Variants in FAM168B observed in about 807,000 individuals in gnomAD.
FAM168B encodes family with sequence similarity 168 member B.
Under a neutral mutation model 21.8 loss-of-function variants are expected in FAM168B, and 19 were observed. That is an observed-to-expected ratio of 0.87 (90% CI 0.61 to 1.28). FAM168B has a LOEUF of 1.28. Ranked by LOEUF, FAM168B falls within the 50% of genes most tolerant of loss-of-function variation. The pLI is 0.00. For synonymous variants in FAM168B, 126 were observed against 104.8 expected, an observed-to-expected ratio of 1.20 and a Z score of -1.24; for missense variants, 233 against 263.1, an observed-to-expected ratio of 0.89 and a Z score of 0.79.
Position 131,083,721 on chromosome 2 carries a change from A to G in FAM168B, c.-11-1064T>C, listed in dbSNP as rs926254824. ...AGTAGAGTATTATACTGCATCCTGC[A>G]TTACACAGTATGATCCCATATAAAC... On this transcript the variant is annotated intron_variant, in intron 1 of 6. Transcript: ENST00000389915. Among the ~76,000 whole-genome samples the G allele has an allele frequency of 2.6e-5, 4 of 152,260 alleles. No homozygotes were observed. The South Asian group carries it at 8.3e-4, about 31-fold the overall frequency.
Position 131,050,949 on chromosome 2 carries a change from C to T in FAM168B, c.*1516G>A. On this transcript the variant is annotated 3_prime_UTR_variant, in exon 7 of 7. Transcript: ENST00000389915. ...CCCCCACTCTGACCCTCACTGAGAA[C>T]CGACATGCACTCTCATGGATACAGG... 1.0e-6 allele frequency: 1 copy of T among 985,618 alleles called. No homozygotes were observed. The highest frequency in any genetic ancestry group is 1.2e-6 in the Non-Finnish European group (1 of 830,070). 61.1% of individuals were successfully genotyped at this position (985,618 alleles called of 1,614,324 possible).
At chr2:131,063,500 C>CA (rs941918849) in intron 3 of FAM168B, among the ~76,000 whole-genome samples, 1 of 152,144 alleles carries the variant, frequency 6.6e-6, no homozygotes, top group Non-Finnish European at 1.5e-5. Context: ...AGTGTGGGGC[C>CA]AAGAGCTATG....
intron 3 of FAM168B, 43 bp from the exon 4 acceptor site, chr2:131,055,738 C>A: frequency 6.2e-7 from 1 of 1,600,762 alleles, no homozygotes; most frequent in East Asian, 2.3e-5. Context: ...CCAAGCCGGT[C>A]CAGGCGCAGG....
intron 5 of FAM168B, 137 bp downstream of exon 5, chr2:131,055,135 C>T (rs1691938484): frequency 2.4e-6 from 2 of 848,940 alleles, no homozygotes; most frequent in Non-Finnish European, 3.3e-6. Flanking sequence ...GCTGTTTCTT[C>T]CCCAAAGAAT....
At chr2:131,075,247 A>G (rs1263362976) in intron 2 of FAM168B, among the ~76,000 whole-genome samples, 5 of 149,204 alleles carry the variant, frequency 3.4e-5, no homozygotes, top group African/African-American at 1.0e-4. Flanking sequence ...AACCAGCAAG[A>G]TTTTTTTTTC....
intron 1 of FAM168B, among the ~76,000 whole-genome samples, chr2:131,085,874 G>A (rs536322622): frequency 6.6e-6 from 1 of 152,348 alleles, no homozygotes; most frequent in East Asian, 1.9e-4. Flanking sequence ...CGCCTGCCAA[G>A]AGTGCTGAGC....
intron 1 of FAM168B, among the ~76,000 whole-genome samples, chr2:131,088,537 T>A (rs992545991): frequency 6.6e-6 from 1 of 152,144 alleles, no homozygotes; most frequent in African/African-American, 2.4e-5. Flanking sequence ...TAAACAGAGT[T>A]TAAAGATATC....
At chr2:131,088,250 GAA>G (rs11284296) in intron 1 of FAM168B, among the ~76,000 whole-genome samples, 5 of 150,876 alleles carry the variant, frequency 3.3e-5, no homozygotes, top group African/African-American at 9.7e-5. Context: ...TGTCTGGGGG[GAA>G]AAAAAAATCA....
intron 1 of FAM168B, among the ~76,000 whole-genome samples, chr2:131,085,169 A>G (rs1206570336): frequency 6.6e-6 from 1 of 152,094 alleles, no homozygotes; most frequent in Non-Finnish European, 1.5e-5. Flanking sequence ...CCTAAAAAAA[A>G]GTCTATTTTT....
intron 5 of FAM168B, 34 bp from the exon 6 acceptor site, chr2:131,053,049 A>G (rs1398967675): frequency 6.5e-7 from 1 of 1,527,816 alleles, no homozygotes; most frequent in Non-Finnish European, 8.8e-7. Flanking sequence ...CATGAGGCTG[A>G]CCTCCTGCAC....
At position 131,048,843 on chromosome 2, in the gene FAM168B, C is replaced by G; in HGVS notation, c.*3622G>C. The G allele has an allele frequency of 1.0e-6, 1 of 986,302 alleles. No homozygotes were observed. Among genetic ancestry groups the G allele is most frequent in the Non-Finnish European group, 1.2e-6 (1 of 830,250 alleles). 61.1% of individuals were successfully genotyped at this position (986,302 alleles called of 1,614,324 possible). A position where few individuals can be genotyped will look rare whatever the true frequency, so the allele number is the denominator to read the frequency against. On this transcript the variant is annotated 3_prime_UTR_variant, in exon 7 of 7. Coordinates refer to ENST00000389915, the MANE Select transcript of FAM168B (RefSeq NM_001009993.4). ...GCTGCCACCCACCTCAAGCCACACCCCTGCCACCTGCTGCTGCGCCCAATG... is the reference window on the plus strand; with the variant it reads ...GCTGCCACCCACCTCAAGCCACACCGCTGCCACCTGCTGCTGCGCCCAATG...
intron 2 of FAM168B, among the ~76,000 whole-genome samples, chr2:131,073,294 T>C (rs1573792306): frequency 6.6e-6 from 1 of 152,108 alleles, no homozygotes; most frequent in Middle Eastern, 3.4e-3. Flanking sequence ...GGTTTTGCCA[T>C]GCTGGCCAGG....
At chr2:131,067,205 A>T (rs948621752) in intron 3 of FAM168B, among the ~76,000 whole-genome samples, 1 of 152,188 alleles carries the variant, frequency 6.6e-6, no homozygotes, top group Non-Finnish European at 1.5e-5. Context: ...GTGTGCATAC[A>T]CAGCCTTGTT....
In FAM168B at chr2:131,050,804, G is replaced by A; in HGVS notation, c.*1661C>T. On this transcript the variant is annotated 3_prime_UTR_variant, in exon 7 of 7. Transcript: ENST00000389915. ...CCTGACCCAGCTACCAGCAAATGAA[G>A]AGGAGCAGAGCCCCCTCCCCACCAG... 5.1e-6 allele frequency: 5 copies of A among 985,366 alleles called. No homozygotes were observed. Among genetic ancestry groups the A allele is most frequent in the South Asian group, 4.7e-5 (1 of 21,284 alleles). The allele number at this position is 985,366 out of a possible 1,614,324, so 61.0% of individuals were successfully genotyped here.
At chr2:131,062,764 C>A (rs113995372) in intron 3 of FAM168B, among the ~76,000 whole-genome samples, 254 of 152,314 alleles carry the variant, frequency 1.7e-3, no homozygotes, top group African/African-American at 5.8e-3. Context: ...AGGTGTCTTA[C>A]AACACCTACT....
rs1691583706 is a variant in FAM168B, at chr2:131,050,390, AC to A, written c.*2074del. On this transcript the variant is annotated 3_prime_UTR_variant, in exon 7 of 7. Transcript: ENST00000389915. ...CTACTTGGTCAGCTGAACCCCTGGA[AC>A]CGTTAGAACCTACTAATCCTGCCAA... 3.0e-6 allele frequency: 3 copies of A among 985,656 alleles called. No homozygotes were observed. Among genetic ancestry groups the A allele is most frequent in the Non-Finnish European group, 3.6e-6 (3 of 829,940 alleles). The allele number at this position is 985,656 out of a possible 1,614,324, so 61.1% of individuals were successfully genotyped here.
rs1691714385 is a variant in FAM168B, at chr2:131,052,119, C to T, written c.*346G>A. Reference sequence around the variant, plus strand: ...TTGGATTTTGCATATGATGGTTTTGCATCAGTCACTGCAGGTAGATTGAGC... The same window carrying T: ...TTGGATTTTGCATATGATGGTTTTGTATCAGTCACTGCAGGTAGATTGAGC... On this transcript the variant is annotated 3_prime_UTR_variant, in exon 7 of 7. Coordinates refer to ENST00000389915, the MANE Select transcript of FAM168B (RefSeq NM_001009993.4). The T allele has an allele frequency of 1.0e-6, 1 of 985,676 alleles. No homozygotes were observed. 61.1% of individuals were successfully genotyped at this position (985,676 alleles called of 1,614,324 possible).
intron 1 of FAM168B, among the ~76,000 whole-genome samples, chr2:131,082,905 T>C (rs1693490046): frequency 6.6e-6 from 1 of 152,086 alleles, no homozygotes; most frequent in Admixed American, 6.6e-5. Context: ...GAGTAAAAAT[T>C]GTTAGCTATA....
chr2:131,051,543 G>C lies in FAM168B; in HGVS notation c.*922C>G, dbSNP rs1399322363. ...AATAAAGCAGAGGACAATACCTCCT[G>C]CAAGCATGGCTGTTTCTCTTTCACA... On this transcript the variant is annotated 3_prime_UTR_variant, in exon 7 of 7. Coordinates refer to ENST00000389915, the MANE Select transcript of FAM168B (RefSeq NM_001009993.4). The C allele has an allele frequency of 4.4e-5, 43 of 984,144 alleles. No individual in the cohort carries two copies. Among genetic ancestry groups the C allele is most frequent in the Admixed American group, 6.2e-5 (1 of 16,148 alleles). The allele number at this position is 984,144 out of a possible 1,614,324, so 61.0% of individuals were successfully genotyped here.
Sources: allele counts gnomAD v4.1 joint callset (sites outside exome capture counted in the v4.1 genomes callset), GRCh38; gene constraint gnomAD v4.1.1; transcripts MANE v1.5; gene names NCBI Gene and HGNC (gene_info 2026-07-23, HGNC 2026-07-21).